FGF1: variants seen among roughly 807,000 people sequenced by gnomAD.
The protein encoded by FGF1 is beta-endothelial cell growth factor.
In FGF1, 9 loss-of-function variants were observed where a neutral mutation model predicts 13.4. The ratio of observed to expected loss-of-function variants is 0.67; its 90% CI spans 0.40 to 1.17. FGF1 has a LOEUF of 1.17. Among genes scored for constraint, FGF1 ranks in the 50% most tolerant of loss-of-function variants. The pLI is 0.01. For missense variants in FGF1, 156 were observed against 192.7 expected, an observed-to-expected ratio of 0.81 and a Z score of 1.13; for synonymous variants, 93 against 79.0, an observed-to-expected ratio of 1.18 and a Z score of -0.94.
intron 1 of FGF1, among the ~76,000 whole-genome samples, chr5:142,651,408 C>G (rs537836970): frequency 3.3e-5 from 5 of 152,294 alleles, no homozygotes; most frequent in African/African-American, 9.6e-5. Flanking sequence ...ACAGAGAATT[C>G]CTCTTCCCCA....
At position 142,592,369 on chromosome 5, in the gene FGF1, C is replaced by A. The variant is rs371405893; in HGVS notation, c.*2921G>T. On this transcript the variant is annotated 3_prime_UTR_variant, in exon 4 of 4. Transcript: ENST00000337706. ...CTTTGCCTCTGACACAAAGCAAGGA[C>A]CTTCAGTACTAGCTGATGCTCCAAT... 1.0e-5 allele frequency: 4 copies of A among 398,444 alleles called. No individual in the cohort carries two copies. The highest frequency in any genetic ancestry group is 6.2e-4 in the Middle Eastern group (1 of 1,608). 24.7% of individuals were successfully genotyped at this position (398,444 alleles called of 1,614,324 possible).
chr5:142,656,122 G>T (rs1379659586), intron 1 of FGF1, among the ~76,000 whole-genome samples: 1 of 152,070 alleles, frequency 6.6e-6, no homozygotes, highest in East Asian at 1.9e-4. Flanking sequence ...TGATCTCCCT[G>T]AAATCTGTGA....
At chr5:142,649,708 G>T (rs1766865037) in intron 1 of FGF1, among the ~76,000 whole-genome samples, 2 of 152,030 alleles carry the variant, frequency 1.3e-5, no homozygotes, top group African/African-American at 4.8e-5. Context: ...CGCCCGGCCG[G>T]ACATTTTGTT....
intron 3 of FGF1, among the ~76,000 whole-genome samples, chr5:142,596,027 T>G (rs541849966): frequency 6.6e-6 from 1 of 152,392 alleles, no homozygotes; most frequent in Admixed American, 6.5e-5. Context: ...CTGGTGATTT[T>G]CACTAACGTC....
chr5:142,660,518 A>G (rs114273107), intron 1 of FGF1, among the ~76,000 whole-genome samples: 1,990 of 152,300 alleles, frequency 0.013, 51 homozygotes, highest in African/African-American at 0.044. Flanking sequence ...GTCACCCCAC[A>G]ATGGCCTCTG....
At chr5:142,660,583 G>A (rs768017365) in intron 1 of FGF1, among the ~76,000 whole-genome samples, 1 of 152,156 alleles carries the variant, frequency 6.6e-6, no homozygotes, top group Admixed American at 6.5e-5. Flanking sequence ...GGAGTGTAAC[G>A]CACACCCACT....
chr5:142,596,188 G>A (rs2151808363), intron 3 of FGF1, among the ~76,000 whole-genome samples: 1 of 152,344 alleles, frequency 6.6e-6, no homozygotes, highest in Admixed American at 6.5e-5. Flanking sequence ...TGCTACTTGT[G>A]GTCAGGCACA....
intron 1 of FGF1, among the ~76,000 whole-genome samples, chr5:142,669,943 C>G (rs1473996013): frequency 2.0e-5 from 3 of 152,188 alleles, no homozygotes; most frequent in African/African-American, 7.2e-5. Flanking sequence ...AGGAGGAGAG[C>G]CAAGAAGTAC....
In FGF1 at chr5:142,659,289, C is replaced by T. The variant is rs150624165; in HGVS notation, c.-35+26668G>A. ...CTGTCGCCAGGCTGGAGTGCAGTGGCGTGATCTCAGCTCACTACAACCTCT... is the reference window on the plus strand; with the variant it reads ...CTGTCGCCAGGCTGGAGTGCAGTGGTGTGATCTCAGCTCACTACAACCTCT... On this transcript the variant is annotated intron_variant, in intron 1 of 3. Coordinates refer to ENST00000337706, the MANE Select transcript of FGF1 (RefSeq NM_000800.5). Among the ~76,000 whole-genome samples the T allele has an allele frequency of 5.2e-3, 765 of 147,440 alleles. 2 individuals carry two copies. Among genetic ancestry groups the T allele is most frequent in the African/African-American group, 0.018 (721 of 39,714 alleles).
At position 142,628,065 on chromosome 5, in the gene FGF1, C is replaced by T. The variant is rs1033699081; in HGVS notation, c.-34-13904G>A. Among the ~76,000 whole-genome samples, 5 of 152,286 alleles carry T rather than the reference C, an allele frequency of 3.3e-5. No individual in the cohort carries two copies. The East Asian group carries it at 5.8e-4, about 18-fold the overall frequency. ...ATGGGAAGGAGATGATGCAAGAGAA[C>T]ATCACCAAAGGCCCCAGGACATGAC... is the stretch of plus-strand genomic sequence containing the variant. On this transcript the variant is annotated intron_variant, in intron 1 of 3. Coordinates refer to ENST00000337706, the MANE Select transcript of FGF1 (RefSeq NM_000800.5).
chr5:142,695,234 A>G (rs565381557), intron 2 of FGF1, among the ~76,000 whole-genome samples: 1 of 152,280 alleles, frequency 6.6e-6, no homozygotes, highest in Non-Finnish European at 1.5e-5. Context: ...ACTCCAGCAT[A>G]CCATCTGTGT....
intron 2 of FGF1, among the ~76,000 whole-genome samples, chr5:142,694,382 G>C (rs1044402229): frequency 6.6e-6 from 1 of 152,128 alleles, no homozygotes; most frequent in Non-Finnish European, 1.5e-5. Context: ...AGAAAATGAC[G>C]TAAATCAATA....
At chr5:142,658,607 C>A (rs1352423951) in intron 1 of FGF1, among the ~76,000 whole-genome samples, 1 of 152,172 alleles carries the variant, frequency 6.6e-6, no homozygotes, top group Non-Finnish European at 1.5e-5. Context: ...TCACAGGCAG[C>A]AGACACACAC....
intron 2 of FGF1, among the ~76,000 whole-genome samples, chr5:142,692,689 A>ACACACACACACACGCACACACG (rs1752426917): frequency 6.6e-6 from 1 of 150,958 alleles, no homozygotes; most frequent in African/African-American, 2.5e-5. Context: ...ACACACGCAC[A>ACACACACACACACGCACACACG]CACACACACA....
rs1254681607 is a variant in FGF1, at chr5:142,595,445, C to T, written c.313G>A (p.Glu105Lys). Residue 105 changes from glutamate (E) to lysine (K), a missense_variant, in exon 4 of 4, where the codon GAG becomes AAG. Glu to Lys is a moderately conservative substitution (Grantham distance 56, BLOSUM62 1). Transcript: ENST00000337706. ...ATATAGGTGTTGTAATGGTTCTCCT[C>T]CAGCCTTTCCAGGAACAAACATTCC... The part of the protein sequence containing the change: ...NEECLFLERL[E>K]ENHYNTYISK... 1 of 1,613,872 alleles carries T rather than the reference C, an allele frequency of 6.2e-7. No individual in the cohort carries two copies. Among genetic ancestry groups the T allele is most frequent in the Non-Finnish European group, 8.5e-7 (1 of 1,179,872 alleles).
At chr5:142,662,931 C>T (rs948167591) in intron 1 of FGF1, among the ~76,000 whole-genome samples, 2 of 152,086 alleles carry the variant, frequency 1.3e-5, no homozygotes, top group Non-Finnish European at 2.9e-5. Flanking sequence ...TCAAGCAACC[C>T]TCCCACCTCA....
intron 1 of FGF1, among the ~76,000 whole-genome samples, chr5:142,615,433 A>G (rs533143366): frequency 3.9e-5 from 6 of 152,318 alleles, no homozygotes; most frequent in African/African-American, 1.4e-4. Flanking sequence ...CATGTTGGCC[A>G]GGCTGGTCTT....
At chr5:142,613,833 T>A (rs953586941) in intron 2 of FGF1, 126 bp downstream of exon 2, 1 of 1,000,670 alleles carries the variant, frequency 1.0e-6, no homozygotes, top group African/African-American at 1.6e-5. Context: ...ACTCCACCTC[T>A]GAATGTGTCA....
chr5:142,685,085 C>T (rs1197813134), intron 1 of FGF1, among the ~76,000 whole-genome samples: 2 of 152,162 alleles, frequency 1.3e-5, no homozygotes, highest in East Asian at 3.9e-4. Flanking sequence ...ATTTCCATCT[C>T]AGTATCTGGA....
Sources: gnomAD v4.1 joint callset for allele counts (sites outside exome capture counted in the v4.1 genomes callset) on GRCh38, gnomAD v4.1.1 for gene constraint, MANE v1.5 for transcripts, NCBI Gene and HGNC (gene_info 2026-07-23, HGNC 2026-07-21) for gene names.